PGGHG: variants seen among roughly 807,000 people sequenced by gnomAD.
PGGHG encodes ATH1, acid trehalase-like 1.
Under a neutral mutation model 74.5 loss-of-function variants are expected in PGGHG, and 67 were observed. The observed-to-expected ratio is 0.90, with a 90% CI of 0.74 to 1.10. The LOEUF is 1.10. PGGHG is among the 50% of genes least tolerant of loss of function. The pLI, the probability that PGGHG is intolerant of heterozygous loss-of-function variation, is 0.00. For synonymous variants in PGGHG, 496 were observed against 419.9 expected, an observed-to-expected ratio of 1.18 and a Z score of -2.21; for missense variants, 1,034 against 981.5, an observed-to-expected ratio of 1.05 and a Z score of -0.72.
chr11:294,780 G>T lies in PGGHG; in HGVS notation c.*31G>T. The T allele has an allele frequency of 6.4e-7, 1 of 1,560,204 alleles. No individual in the cohort carries two copies. Among genetic ancestry groups the T allele is most frequent in the Middle Eastern group, 1.7e-4 (1 of 5,778 alleles). ...AACGGTGGCTTCAGAGACGTCTCTT[G>T]GGCCTTCCCTCTGGCCACGTCTGCA... is the stretch of plus-strand genomic sequence containing the variant. On this transcript the variant is annotated 3_prime_UTR_variant, in exon 14 of 14. Transcript: ENST00000409548.
At position 290,696 on chromosome 11, in the gene PGGHG, C is replaced by A; in HGVS notation, c.489C>A (p.Thr163=). ...FQGARYLYGH[T]LTPEQPGGPQ... The stretch of plus-strand genomic sequence containing the variant: ...CTCACAGGTACCTGTATGGCCACAC[C>A]CTCACCCCTGAGCAGCCCGGGGGGC... Residue 163 remains threonine (T), a synonymous_variant, in exon 4 of 14, where the codon ACC becomes ACA. Transcript: ENST00000409548. The A allele has an allele frequency of 1.2e-6, 2 of 1,604,964 alleles. No homozygotes were observed. Among genetic ancestry groups the A allele is most frequent in the Non-Finnish European group, 8.5e-7 (1 of 1,174,560 alleles).
chr11:293,830 A>G lies in PGGHG; in HGVS notation c.1615A>G (p.Ser539Gly). 1 of 1,613,624 alleles carries G rather than the reference A, an allele frequency of 6.2e-7. No individual in the cohort carries two copies. The highest frequency in any genetic ancestry group is 8.5e-7 in the Non-Finnish European group (1 of 1,179,970). Residue 539 changes from serine to glycine, a missense_variant and splice_region_variant, in exon 11 of 14, where the codon AGC (serine) becomes GGC (glycine). Coordinates refer to ENST00000409548, the MANE Select transcript of PGGHG (RefSeq NM_025092.5). The part of the protein sequence containing the change: ...TSPQGPAMTW[S>G]MFAVGWMELK... ...TGTGTCCTCTTACCTCTGACCCCAG[A>G]GCATGTTTGCTGTGGGCTGGATGGA... is the stretch of plus-strand genomic sequence containing the variant.
In PGGHG at chr11:293,219, G is replaced by A. The variant is rs1020838547; in HGVS notation, c.1327G>A (p.Val443Ile). The A allele has an allele frequency of 4.2e-5, 68 of 1,613,484 alleles. No individual in the cohort carries two copies. The highest frequency in any genetic ancestry group is 1.1e-4 in the African/African-American group (8 of 74,902). The change falls in exon 8 of 14, where the codon GTC (valine) becomes ATC (isoleucine). Residue 443 changes from valine (V) to isoleucine (I), a missense_variant. By Grantham distance (29) the Val-to-Ile change is conservative (BLOSUM62 3). Coordinates refer to ENST00000409548, the MANE Select transcript of PGGHG (RefSeq NM_025092.5). The stretch of plus-strand genomic sequence containing the variant: ...GGTCAACAACTCTGTGTACACCAAC[G>A]TCCTGGTCCAGAACAGGTCAGACAC... ...SGVNNSVYTN[V>I]LVQNSLRFAA...
chr11:292,658 T>G lies in PGGHG; in HGVS notation c.1139T>G (p.Leu380Arg). 6.2e-7 allele frequency: 1 copy of G among 1,613,788 alleles called. No individual in the cohort carries two copies. The highest frequency in any genetic ancestry group is 2.2e-5 in the East Asian group (1 of 44,886). Reference protein sequence around the residue: ...VNGAVVLAFELYYHTTQDLQL... With the variant: ...VNGAVVLAFERYYHTTQDLQL... ...GGGGCCGTGGTGTTGGCCTTCGAGC[T>G]GTACTACCATACCACCCAGGTGAGG... Residue 380 changes from leucine (L) to arginine (R), a missense_variant, in exon 6 of 14, where the codon CTG becomes CGG. Transcript: ENST00000409548.
At position 294,089 on chromosome 11, in the gene PGGHG, G is replaced by T; in HGVS notation, c.1711-10G>T. The T allele has an allele frequency of 1.9e-6, 3 of 1,597,846 alleles. No individual in the cohort carries two copies. Among genetic ancestry groups the T allele is most frequent in the South Asian group, 1.1e-5 (1 of 88,962 alleles). On this transcript the variant is annotated splice_polypyrimidine_tract_variant and intron_variant, in intron 11 of 13. Coordinates refer to ENST00000409548, the MANE Select transcript of PGGHG (RefSeq NM_025092.5). ...GGGGGTCCTGGTGTCAGCTGCCCTT[G>T]CCCCTGCAGGTGTGGACGGAGAATG...
Position 292,966 on chromosome 11 carries a change from G to A in PGGHG, c.1239G>A (p.Trp413Ter). The change falls in exon 7 of 14, where the codon TGG (tryptophan) becomes TGA (stop). Residue 413 changes from tryptophan (W) to a stop codon, truncating the protein, a stop_gained. Transcript: ENST00000409548. LOFTEE classifies it high-confidence loss of function. The stretch of plus-strand genomic sequence containing the variant: ...AGTTTTGGTGCAGTCGTGTTGAGTG[G>A]AGCCCCAGGGAGGAAAAGTACCACC... Reference protein sequence around the residue: ...VAEFWCSRVEWSPREEKYHLR... With the variant: ...VAEFWCSRVE 3 of 1,613,700 alleles carry A rather than the reference G, an allele frequency of 1.9e-6. No individual in the cohort carries two copies. Among genetic ancestry groups the A allele is most frequent in the Middle Eastern group, 1.6e-4 (1 of 6,062 alleles).
In PGGHG at chr11:290,966, C is replaced by T. The variant is rs370178886; in HGVS notation, c.759C>T (p.Arg253=). 1.9e-6 allele frequency: 3 copies of T among 1,612,764 alleles called. No individual in the cohort carries two copies. The highest frequency in any genetic ancestry group is 2.2e-5 in the East Asian group (1 of 44,878). The change falls in exon 4 of 14, where the codon CGC becomes CGT. Residue 253 remains arginine, a synonymous_variant. Coordinates refer to ENST00000409548, the MANE Select transcript of PGGHG (RefSeq NM_025092.5). ...ACGTGGTGGGGCCCCTGCAGCTGCGCCAGGCCCTGCGTGGCTCCCTCTACT... is the reference window on the plus strand; with the variant it reads ...ACGTGGTGGGGCCCCTGCAGCTGCGTCAGGCCCTGCGTGGCTCCCTCTACT... ...GLDVVGPLQL[R]QALRGSLYYL...
intron 8 of PGGHG, 27 bp from the exon 9 acceptor site, chr11:293,339 G>T: frequency 6.2e-7 from 1 of 1,607,310 alleles, no homozygotes. Context: ...AGGGGTTGCA[G>T]CCTCCCCCAC....
rs530925862 is a variant in PGGHG, at chr11:291,880, C to T, written c.907-96C>T. 17 of 1,465,542 alleles carry T rather than the reference C, an allele frequency of 1.2e-5. No individual in the cohort carries two copies. The East Asian group carries it at 1.9e-4, about 17-fold the overall frequency. 90.8% of individuals were successfully genotyped at this position (1,465,542 alleles called of 1,614,324 possible). A position where few individuals can be genotyped will look rare whatever the true frequency, so the allele number is the denominator to read the frequency against. Reference sequence around the variant, plus strand: ...GGCAGCCGAGGAGGAACCCAGAAGACGCCAGCGATGGAGCTCTGCCGGGGC... The same window carrying T: ...GGCAGCCGAGGAGGAACCCAGAAGATGCCAGCGATGGAGCTCTGCCGGGGC... On this transcript the variant is annotated intron_variant, in intron 4 of 13. Transcript: ENST00000409548.
chr11:291,411 C>G (rs368577924), intron 4 of PGGHG: 3 of 389,032 alleles, frequency 7.7e-6, no homozygotes, highest in Admixed American at 8.4e-5. Flanking sequence ...AGTAGTGTGG[C>G]GCTTGGAGTT....
chr11:294,001 A>G, intron 11 of PGGHG, 76 bp downstream of exon 11: 1 of 1,587,636 alleles, frequency 6.3e-7, no homozygotes, highest in Non-Finnish European at 8.6e-7. Flanking sequence ...CAGGCACAGC[A>G]GGGTGCACCC....
Position 290,510 on chromosome 11 carries a change from G to A in PGGHG, c.380G>A (p.Ser127Asn), listed in dbSNP as rs1490620717. The A allele has an allele frequency of 2.6e-6, 4 of 1,550,328 alleles. No individual in the cohort carries two copies. The highest frequency in any genetic ancestry group is 3.5e-6 in the Non-Finnish European group (4 of 1,146,984). ...RVSIARLAPG[S>N]GPITLLLRSA... is the part of the protein sequence containing the mutation. ...TCCATCGCCCGCCTGGCCCCGGGGA[G>A]CGGGCCCATCACGCTGCTCCTGCGG... The change falls in exon 3 of 14, where the codon AGC (serine) becomes AAC (asparagine). Residue 127 changes from serine to asparagine, a missense_variant. Ser to Asn is a conservative substitution (Grantham distance 46). Coordinates refer to ENST00000409548, the MANE Select transcript of PGGHG (RefSeq NM_025092.5).
intron 6 of PGGHG, 65 bp from the exon 7 acceptor site, chr11:292,821 C>T (rs897271779): frequency 2.4e-5 from 38 of 1,610,776 alleles, no homozygotes; most frequent in Non-Finnish European, 3.2e-5. Flanking sequence ...CTTCTGGGCA[C>T]AGACAGGCCA....
Position 290,717 on chromosome 11 carries a change from G to T in PGGHG, c.510G>T (p.Gly170=). 9 of 1,604,954 alleles carry T rather than the reference G, an allele frequency of 5.6e-6. No individual in the cohort carries two copies. The highest frequency in any genetic ancestry group is 1.3e-5 in the African/African-American group (1 of 74,918). ...YGHTLTPEQP[G]GPQQEVHMLW... is the part of the protein sequence containing the mutation. ...ACACCCTCACCCCTGAGCAGCCCGG[G>T]GGGCCACAGCAAGAGGTACACATGC... is the stretch of plus-strand genomic sequence containing the variant. The change falls in exon 4 of 14, where the codon GGG becomes GGT. Residue 170 remains glycine (G), a synonymous_variant. Coordinates refer to ENST00000409548, the MANE Select transcript of PGGHG (RefSeq NM_025092.5).
chr11:289,290 C>G lies in PGGHG; in HGVS notation c.-14+51C>G, dbSNP rs1284607228. ...CAGCTCCCGGCCGCCCCGGCCCGTC[C>G]CCCCAGCCCCCGGTCGCCCCATCCT... is the stretch of plus-strand genomic sequence containing the variant. On this transcript the variant is annotated intron_variant, in intron 1 of 13. Coordinates refer to ENST00000409548, the MANE Select transcript of PGGHG (RefSeq NM_025092.5). The surrounding 1 kb of genome is among the most constrained non-coding windows in gnomAD (Gnocchi z 5.6). 1 of 145,512 alleles carries G rather than the reference C, an allele frequency of 6.9e-6. No individual in the cohort carries two copies. Among genetic ancestry groups the G allele is most frequent in the Non-Finnish European group, 1.5e-5 (1 of 65,294 alleles). 9.0% of individuals were successfully genotyped at this position (145,512 alleles called of 1,614,324 possible).
At chr11:293,053 G>A in intron 7 of PGGHG, 56 bp downstream of exon 7, 1 of 1,613,852 alleles carries the variant, frequency 6.2e-7, no homozygotes, top group Non-Finnish European at 8.5e-7. Context: ...CCCAGACTCA[G>A]CAGATGATTT....
chr11:293,077 G>T (rs779493472), intron 7 of PGGHG, 80 bp downstream of exon 7: 3 of 1,613,868 alleles, frequency 1.9e-6, no homozygotes, highest in Non-Finnish European at 8.5e-7. Context: ...GACACCTCAC[G>T]TGTGCCAGCC....
intron 2 of PGGHG, 32 bp downstream of exon 2, chr11:290,107 C>G: frequency 6.7e-7 from 1 of 1,498,164 alleles, no homozygotes; most frequent in East Asian, 2.5e-5. Context: ...CACCCCTGCC[C>G]CAGGCATTGT....
rs377496840 is a variant in PGGHG, at chr11:293,370, C to T, written c.1348C>T (p.Arg450Cys). 56 of 1,611,582 alleles carry T rather than the reference C, an allele frequency of 3.5e-5. No individual in the cohort carries two copies. The African/African-American group carries it at 4.0e-4, about 12-fold the overall frequency. The change falls in exon 9 of 14, where the codon CGC becomes TGC. Residue 450 changes from arginine (R) to cysteine (C), a missense_variant. Physicochemically the swap from Arg to Cys is radical, Grantham distance 180 (BLOSUM62 -3). Coordinates refer to ENST00000409548, the MANE Select transcript of PGGHG (RefSeq NM_025092.5). ...CCCACCTACCTCCACCTCCAGCCTG[C>T]GCTTTGCTGCTGCCCTGGCCCAGGA... ...YTNVLVQNSLRFAAALAQDLG... is the reference protein window; with the variant it reads ...YTNVLVQNSLCFAAALAQDLG...
Sources: gnomAD v4.1 joint callset for allele counts on GRCh38, gnomAD v4.1.1 for gene constraint, Gnocchi (gnomAD v3.1) non-coding constraint, MANE v1.5 for transcripts, NCBI Gene and HGNC (gene_info 2026-07-23, HGNC 2026-07-21) for gene names.